Variants in TGFBR1 observed in about 807,000 individuals in gnomAD.
TGFBR1 encodes transforming growth factor beta receptor 1, also known as TGF-beta receptor type-1.
A neutral mutation model predicts 55.1 loss-of-function variants in TGFBR1; 20 were observed. The observed-to-expected ratio is 0.36, with a 90% CI of 0.26 to 0.53. The LOEUF (loss-of-function observed/expected upper bound fraction) is 0.53, where lower values mean the gene tolerates loss of function less well. Among genes scored for constraint, TGFBR1 ranks in the 20% least tolerant of loss-of-function variants. The probability of loss-of-function intolerance (pLI) is 0.91; values close to 1 mark genes in which losing one functional copy is unlikely to be tolerated. For missense variants in TGFBR1, 385 were observed against 617.6 expected (o/e 0.62, Z 3.99); for synonymous variants, 220 against 214.8 (o/e 1.02, Z -0.21).
intron 1 of TGFBR1, among the ~76,000 whole-genome samples, chr9:99,114,774 C>G (rs974970119): frequency 6.6e-6 from 1 of 152,192 alleles, no homozygotes; most frequent in Admixed American, 6.5e-5. Context: ...TTTGGTGTGT[C>G]TCCATTTGAT....
At chr9:99,116,774 G>C (rs1044748965) in intron 1 of TGFBR1, among the ~76,000 whole-genome samples, 10 of 152,026 alleles carry the variant, frequency 6.6e-5, no homozygotes, top group African/African-American at 2.4e-4. Context: ...AGATTTTGAG[G>C]TCTGAAAACT....
At chr9:99,128,634 A>G (rs1238341848) in intron 1 of TGFBR1, 2 of 693,532 alleles carry the variant, frequency 2.9e-6, no homozygotes, top group African/African-American at 3.5e-5. Context: ...ACCTGGGTCC[A>G]AATGTTGCTA....
At chr9:99,126,257 A>T (rs888563280) in intron 1 of TGFBR1, among the ~76,000 whole-genome samples, 4 of 152,166 alleles carry the variant, frequency 2.6e-5, no homozygotes, top group Admixed American at 6.5e-5. Context: ...TGGAACCCCA[A>T]ACTAAAAGTC....
At chr9:99,126,467 T>G (rs773563833) in intron 1 of TGFBR1, among the ~76,000 whole-genome samples, 34 of 152,312 alleles carry the variant, frequency 2.2e-4, no homozygotes, top group Non-Finnish European at 2.8e-4. Flanking sequence ...AAGCTTTTGG[T>G]AGAGTAACTG....
In TGFBR1 at chr9:99,105,588, G is replaced by C. The variant is rs1826388239; in HGVS notation, c.97+286G>C. Among the ~76,000 whole-genome samples, 3 of 151,654 alleles carry C rather than the reference G, an allele frequency of 2.0e-5. No individual in the cohort carries two copies. The South Asian group carries it at 6.2e-4, about 31-fold the overall frequency. ...CCCCGGGGAGGTGGAGTCGGGCGGA[G>C]TCGTCCGAGGTCCGGGGCTGCCCTC... On this transcript the variant is annotated intron_variant, in intron 1 of 8. Transcript: ENST00000374994.
In TGFBR1 at chr9:99,115,109, A is replaced by G. The variant is rs937765587; in HGVS notation, c.97+9807A>G. On this transcript the variant is annotated intron_variant, in intron 1 of 8. Coordinates refer to ENST00000374994, the MANE Select transcript of TGFBR1 (RefSeq NM_004612.4). Reference sequence around the variant, plus strand: ...TCTCTGTTCTTGAGCAGAAGCTTTTATAGAAGTCTTTGTACATGGGCCATT... The same window carrying G: ...TCTCTGTTCTTGAGCAGAAGCTTTTGTAGAAGTCTTTGTACATGGGCCATT... Among the ~76,000 whole-genome samples, 12 of 152,320 alleles carry G rather than the reference A, an allele frequency of 7.9e-5. 1 individual carries two copies. Among genetic ancestry groups the G allele is most frequent in the Admixed American group, 6.5e-4 (10 of 15,298 alleles).
At chr9:99,117,253 AT>A (rs34711337) in intron 1 of TGFBR1, among the ~76,000 whole-genome samples, 84,071 of 135,316 alleles carry the variant, frequency 0.62, 25,141 homozygotes, top group Middle Eastern at 0.69. Context: ...ACGCCTGGCT[AT>A]TTTTTTTTTT....
rs564868044 is a variant in TGFBR1, at chr9:99,150,629, T to C, written c.*1324T>C. ...GTGGTTTTGAGGTCTCACTACACTT[T>C]GAGGAAGGCAGCTTTTAATTCAGTG... On this transcript the variant is annotated 3_prime_UTR_variant, in exon 9 of 9. Coordinates refer to ENST00000374994, the MANE Select transcript of TGFBR1 (RefSeq NM_004612.4). The C allele has an allele frequency of 4.7e-6, 1 of 213,882 alleles. No individual in the cohort carries two copies. Among genetic ancestry groups the C allele is most frequent in the South Asian group, 1.9e-4 (1 of 5,360 alleles). The allele number at this position is 213,882 out of a possible 1,614,324, so 13.2% of individuals were successfully genotyped here. A position where few individuals can be genotyped will look rare whatever the true frequency, so the allele number is the denominator to read the frequency against.
At chr9:99,113,959 G>C (rs1166719414) in intron 1 of TGFBR1, among the ~76,000 whole-genome samples, 5 of 152,150 alleles carry the variant, frequency 3.3e-5, no homozygotes, top group African/African-American at 9.7e-5. Flanking sequence ...GGTCGGACTT[G>C]TTTATCTCTA....
chr9:99,134,418 G>A (rs944080867), intron 3 of TGFBR1, among the ~76,000 whole-genome samples: 1 of 152,128 alleles, frequency 6.6e-6, no homozygotes, highest in Admixed American at 6.5e-5. Context: ...TACTGAAGGT[G>A]TGATAGTCTT....
At chr9:99,113,663 C>T (rs760599836) in intron 1 of TGFBR1, among the ~76,000 whole-genome samples, 3 of 152,066 alleles carry the variant, frequency 2.0e-5, no homozygotes, top group Non-Finnish European at 4.4e-5. Context: ...TAGTACATAG[C>T]CTGACACCAG....
At chr9:99,134,508 G>T (rs1827358279) in intron 3 of TGFBR1, among the ~76,000 whole-genome samples, 1 of 152,040 alleles carries the variant, frequency 6.6e-6, no homozygotes, top group South Asian at 2.1e-4. Flanking sequence ...TCTTCAAAAA[G>T]ATTTTGCTCA....
At position 99,149,244 on chromosome 9, in the gene TGFBR1, C is replaced by G. The variant is rs2118857558; in HGVS notation, c.1451C>G (p.Thr484Arg). Reference sequence around the variant, plus strand: ...TATGCCAATGGAGCAGCTAGGCTTACAGCATTGCGGATTAAGAAAACATTA... The same window carrying G: ...TATGCCAATGGAGCAGCTAGGCTTAGAGCATTGCGGATTAAGAAAACATTA... ...CWYANGAARL[T>R]ALRIKKTLSQ... is the part of the protein sequence containing the mutation. The change falls in exon 9 of 9, where the codon ACA becomes AGA. Residue 484 changes from threonine to arginine, a missense_variant. Transcript: ENST00000374994. The G allele has an allele frequency of 6.2e-7, 1 of 1,613,678 alleles. No homozygotes were observed. Among genetic ancestry groups the G allele is most frequent in the Non-Finnish European group, 8.5e-7 (1 of 1,179,780 alleles).
intron 1 of TGFBR1, among the ~76,000 whole-genome samples, chr9:99,112,281 T>C (rs369084472): frequency 2.0e-5 from 3 of 151,494 alleles, no homozygotes; most frequent in African/African-American, 7.2e-5. Flanking sequence ...AGGGCCTGTG[T>C]GTGGCTGTTC....
intron 1 of TGFBR1, among the ~76,000 whole-genome samples, chr9:99,124,330 C>T (rs1170637592): frequency 6.6e-6 from 1 of 152,094 alleles, no homozygotes; most frequent in East Asian, 1.9e-4. Context: ...TCATAGCCCA[C>T]ACTGTACCTG....
chr9:99,151,249 G>A lies in TGFBR1; in HGVS notation c.*1944G>A, dbSNP rs1295229659. 1 of 231,792 alleles carries A rather than the reference G, an allele frequency of 4.3e-6. No individual in the cohort carries two copies. The highest frequency in any genetic ancestry group is 8.5e-6 in the Non-Finnish European group (1 of 117,164). 14.4% of individuals were successfully genotyped at this position (231,792 alleles called of 1,614,324 possible). ...TAGAGGTTACTATTTTGACTACAAA[G>A]TTGAGTTTTTTTCTGTAGTTACCAT... On this transcript the variant is annotated 3_prime_UTR_variant, in exon 9 of 9. Transcript: ENST00000374994.
chr9:99,124,867 A>G (rs75177106), intron 1 of TGFBR1, among the ~76,000 whole-genome samples: 2,086 of 152,252 alleles, frequency 0.014, 52 homozygotes, highest in African/African-American at 0.048. Flanking sequence ...CCGTAATGTA[A>G]TGACCTCTTT....
rs1293673288 is a variant in TGFBR1 at position 99,150,758 on chromosome 9, A to T, written c.*1453A>T. Reference sequence around the variant, plus strand: ...GAGGTGGTAGCTAAAGAACATTCTGAGTATAGGTTTTTCTCCATTTACAGA... The same window carrying T: ...GAGGTGGTAGCTAAAGAACATTCTGTGTATAGGTTTTTCTCCATTTACAGA... On this transcript the variant is annotated 3_prime_UTR_variant, in exon 9 of 9. Transcript: ENST00000374994. 3 of 215,276 alleles carry T rather than the reference A, an allele frequency of 1.4e-5. No homozygotes were observed. Among genetic ancestry groups the T allele is most frequent in the African/African-American group, 6.8e-5 (3 of 44,362 alleles). The allele number at this position is 215,276 out of a possible 1,614,324, so 13.3% of individuals were successfully genotyped here.
chr9:99,142,452 A>T, intron 4 of TGFBR1, 84 bp from the exon 5 acceptor site: 1 of 1,467,000 alleles, frequency 6.8e-7, no homozygotes, highest in Non-Finnish European at 9.5e-7. Context: ...GTGACTCAGG[A>T]TTGAGAGTAA....
Sources: allele counts gnomAD v4.1 joint callset (sites outside exome capture counted in the v4.1 genomes callset), GRCh38; gene constraint gnomAD v4.1.1; transcripts MANE v1.5; gene names NCBI Gene and HGNC (gene_info 2026-07-23, HGNC 2026-07-21).